The following ZNF883 variants were observed in gnomAD, a reference collection of about 807,000 sequenced individuals.
ZNF883 encodes the protein zinc finger protein 883.
chr9:112,993,642 G>A (rs1193820662), downstream of ZNF883, among the ~76,000 whole-genome samples: 1 of 152,234 alleles, frequency 6.6e-6, no homozygotes, highest in African/African-American at 2.4e-5. Context: ...CTCAGAGCCA[G>A]CAGGGGGAAA....
At chr9:112,997,582 T>C (rs1395219172) in exon 1 of ZNF883, 1 of 1,613,892 alleles carries the variant, frequency 6.2e-7, no homozygotes, top group South Asian at 1.1e-5. Flanking sequence ...TTCTTTGATG[T>C]TGAATGAAGG....
chr9:112,990,463 C>T (rs1828291171), intron 1 of ZNF883, among the ~76,000 whole-genome samples: 1 of 152,176 alleles, frequency 6.6e-6, no homozygotes, highest in African/African-American at 2.4e-5. Flanking sequence ...AGGGATAAAG[C>T]TGATTTGATA....
chr9:113,008,609 T>C (rs1212447438), intron 2 of ZNF883, among the ~76,000 whole-genome samples: 3 of 140,886 alleles, frequency 2.1e-5, no homozygotes, highest in African/African-American at 7.4e-5. Context: ...CAGCATTTTA[T>C]TTGAATTTTT....
chr9:113,005,799 CCTCTT>C (rs1183610019), intron 2 of ZNF883, among the ~76,000 whole-genome samples: 2 of 152,154 alleles, frequency 1.3e-5, no homozygotes, highest in Non-Finnish European at 2.9e-5. Flanking sequence ...ACAGGACAGT[CCTCTT>C]CTCTCCTGAC....
intron 2 of ZNF883, among the ~76,000 whole-genome samples, chr9:113,008,726 G>GT (rs1828502026): frequency 6.6e-6 from 1 of 152,026 alleles, no homozygotes; most frequent in Non-Finnish European, 1.5e-5. Flanking sequence ...ACTGTCCCGG[G>GT]TAAGTGAGAG....
At chr9:112,995,874 T>A (rs1032529681), downstream of ZNF883, among the ~76,000 whole-genome samples, 2 of 152,158 alleles carry the variant, frequency 1.3e-5, no homozygotes, top group African/African-American at 4.8e-5. Flanking sequence ...ACTCTTGGAT[T>A]TTTTGTCCTT....
intron 1 of ZNF883, among the ~76,000 whole-genome samples, chr9:112,990,279 A>T (rs1828289533): frequency 6.6e-6 from 1 of 152,162 alleles, no homozygotes; most frequent in Non-Finnish European, 1.5e-5. Context: ...CTATTTTGAG[A>T]TATGTTCCAT....
At chr9:113,005,489 T>A (rs1703137100) in intron 2 of ZNF883, among the ~76,000 whole-genome samples, 1 of 152,154 alleles carries the variant, frequency 6.6e-6, no homozygotes, top group Admixed American at 6.5e-5. Flanking sequence ...GGCAAAAATG[T>A]CAAAAACAGG....
intron 2 of ZNF883, among the ~76,000 whole-genome samples, chr9:113,004,531 A>C (rs1293775543): frequency 6.6e-6 from 1 of 152,058 alleles, no homozygotes; most frequent in East Asian, 1.9e-4. Context: ...TGCACTTGTA[A>C]GAGGAAACAT....
rs201926740 is a variant in ZNF883, at chr9:113,003,590, AAAAAG to A, written n.166-1522_166-1518del. ...ATATAAGTGGAGTCTCAAAAAAAAA[AAAAAG>A]AATGGAAATGATGCTATATTTAAGG... On this transcript the variant is annotated intron_variant and non_coding_transcript_variant, in intron 2 of 4. Transcript: ENST00000638622. 9.5e-4 allele frequency among the ~76,000 whole-genome samples: 132 copies of A among 139,192 alleles called. No individual in the cohort carries two copies. In the East Asian group the frequency reaches 0.015, roughly 16 times the overall value. 91.3% of individuals were successfully genotyped at this position (139,192 alleles called of 152,430 possible). A position where few individuals can be genotyped will look rare whatever the true frequency, so the allele number is the denominator to read the frequency against.
downstream of ZNF883, among the ~76,000 whole-genome samples, chr9:112,993,167 T>C (rs117944994): frequency 8.0e-4 from 122 of 152,394 alleles, 1 homozygote; most frequent in East Asian, 0.02. Flanking sequence ...TTTTGAGTTT[T>C]CAGTGGGGTT....
At chr9:112,998,643 C>G (rs1828390609), upstream of ZNF883, 1 of 158,100 alleles carries the variant, frequency 6.3e-6, no homozygotes, top group African/African-American at 2.4e-5. Flanking sequence ...TCTGCTCTGT[C>G]CTGCCTGGGC....
downstream of ZNF883, among the ~76,000 whole-genome samples, chr9:112,992,302 G>A (rs1465318609): frequency 6.6e-6 from 1 of 152,184 alleles, no homozygotes; most frequent in Non-Finnish European, 1.5e-5. Flanking sequence ...CTCAGCATTT[G>A]CTTGTCTGAA....
chr9:112,992,903 G>A (rs1384139375), downstream of ZNF883, among the ~76,000 whole-genome samples: 1 of 152,110 alleles, frequency 6.6e-6, no homozygotes, highest in Non-Finnish European at 1.5e-5. Context: ...CTTGTGTTGT[G>A]TTTTTCCGCT....
intron 2 of ZNF883, among the ~76,000 whole-genome samples, chr9:113,005,549 C>T (rs1302617182): frequency 1.3e-5 from 2 of 152,150 alleles, no homozygotes; most frequent in Admixed American, 6.5e-5. Flanking sequence ...CTCTCATATA[C>T]TCTTAGTGGA....
At chr9:113,007,055 G>A (rs35286441) in intron 2 of ZNF883, among the ~76,000 whole-genome samples, 11,750 of 152,200 alleles carry the variant, frequency 0.077, 584 homozygotes, top group Non-Finnish European at 0.11. Flanking sequence ...TTAGCCGGGC[G>A]TGGTGGTTCA....
intron 2 of ZNF883, among the ~76,000 whole-genome samples, chr9:113,004,698 G>A (rs956724494): frequency 6.6e-6 from 1 of 151,546 alleles, no homozygotes; most frequent in African/African-American, 2.4e-5. Context: ...TGTTGTTTAA[G>A]CCACCCAGTC....
rs1456925042 is a variant in ZNF883, at chr9:113,011,136, C to T, written n.165+5G>A. ...GGTACAAATGCCTTGAAAAGTTTTG[C>T]TCACCAAAGACCATGTAGTCAGGGG... On this transcript the variant is annotated splice_donor_5th_base_variant and intron_variant and non_coding_transcript_variant, in intron 2 of 4. Transcript: ENST00000638622. 6.6e-6 allele frequency: 1 copy of T among 152,132 alleles called. No homozygotes were observed. Among genetic ancestry groups the T allele is most frequent in the Admixed American group, 6.5e-5 (1 of 15,278 alleles). The allele number at this position is 152,132 out of a possible 1,614,324, so 9.4% of individuals were successfully genotyped here.
At chr9:112,992,442 G>A (rs1828311863), downstream of ZNF883, among the ~76,000 whole-genome samples, 1 of 152,194 alleles carries the variant, frequency 6.6e-6, no homozygotes, top group African/African-American at 2.4e-5. Flanking sequence ...TCTGCTGAGA[G>A]GTCTGCTGTT....
Sources: gnomAD v4.1 joint callset for allele counts (sites outside exome capture counted in the v4.1 genomes callset) on GRCh38, gnomAD v4.1.1 for gene constraint, MANE v1.5 for transcripts, NCBI Gene and HGNC (gene_info 2026-07-23, HGNC 2026-07-21) for gene names.